Variants in LSM12 observed in about 807,000 individuals in gnomAD.
LSM12 encodes LSM12 homolog, also known as protein LSM12.
For missense variants in LSM12, 108 were observed against 238.9 expected (o/e 0.45, Z 3.61); for synonymous variants, 74 against 87.3 (o/e 0.85, Z 0.85).
chr17:44,063,351 CTTTAAGACA>C (rs1193728113), intron 2 of LSM12, among the ~76,000 whole-genome samples: 1 of 152,048 alleles, frequency 6.6e-6, no homozygotes, highest in Admixed American at 6.6e-5. Context: ...AAAAAAGAAC[CTTTAAGACA>C]GTGGCTTTCA....
intron 2 of LSM12, among the ~76,000 whole-genome samples, chr17:44,062,440 C>T (rs1301132005): frequency 1.3e-5 from 2 of 152,064 alleles, no homozygotes; most frequent in East Asian, 1.9e-4. Context: ...TCTTGGAAGA[C>T]GTGCCATTTA....
chr17:44,053,147 G>C (rs1420392620), intron 2 of LSM12, among the ~76,000 whole-genome samples: 1 of 152,044 alleles, frequency 6.6e-6, no homozygotes, highest in Non-Finnish European at 1.5e-5. Context: ...CACATCTGAA[G>C]TGTCTTCCCT....
chr17:44,037,913 A>G (rs1445968906), intron 3 of LSM12, among the ~76,000 whole-genome samples: 2 of 152,224 alleles, frequency 1.3e-5, no homozygotes, highest in Admixed American at 6.5e-5. Flanking sequence ...TTTGCAGTCC[A>G]TATCATCTGT....
intron 2 of LSM12, among the ~76,000 whole-genome samples, chr17:44,056,251 C>T (rs182969747): frequency 2.5e-3 from 381 of 149,440 alleles, no homozygotes; most frequent in Non-Finnish European, 3.3e-3. Flanking sequence ...GCCGAGATCG[C>T]GCCATTGCAC....
Position 44,066,573 on chromosome 17 carries a change from C to G in LSM12, c.15G>C (p.Pro5=), listed in dbSNP as rs1462763551. ...GGCTCCCAACGCTGAAGTACTCGCC[C>G]GGAGGAGCCGCCATCTTGGGAGTGC... MAAP[P]GEYFSVGSQV... The change falls in exon 1 of 5, where the codon CCG becomes CCC. Residue 5 remains proline, a synonymous_variant. Transcript: ENST00000293406. 6.8e-7 allele frequency: 1 copy of G among 1,464,052 alleles called. No individual in the cohort carries two copies. Among genetic ancestry groups the G allele is most frequent in the African/African-American group, 1.5e-5 (1 of 67,908 alleles). 90.7% of individuals were successfully genotyped at this position (1,464,052 alleles called of 1,614,324 possible).
chr17:44,042,793 T>A (rs2049512257), intron 2 of LSM12, among the ~76,000 whole-genome samples: 1 of 152,142 alleles, frequency 6.6e-6, no homozygotes, highest in African/African-American at 2.4e-5. Context: ...GGTCTCGATC[T>A]CCTGACCTCG....
intron 2 of LSM12, among the ~76,000 whole-genome samples, chr17:44,046,894 C>T (rs372812739): frequency 5.3e-4 from 80 of 151,218 alleles, no homozygotes; most frequent in African/African-American, 1.8e-3. Flanking sequence ...CCACGCCTGG[C>T]TAATTTTTTG....
At chr17:44,053,962 A>G (rs1308398934) in intron 2 of LSM12, among the ~76,000 whole-genome samples, 1 of 152,026 alleles carries the variant, frequency 6.6e-6, no homozygotes, top group Non-Finnish European at 1.5e-5. Context: ...GACCCACCCT[A>G]ATGTCCTTGT....
At chr17:44,066,965 T>G (rs2049888705), upstream of LSM12, among the ~76,000 whole-genome samples, 1 of 152,204 alleles carries the variant, frequency 6.6e-6, no homozygotes, top group African/African-American at 2.4e-5. Context: ...ATTTTGCATA[T>G]GAGGAATCAG....
At chr17:44,059,552 A>T (rs2049768165) in intron 2 of LSM12, among the ~76,000 whole-genome samples, 1 of 151,920 alleles carries the variant, frequency 6.6e-6, no homozygotes. Context: ...ACCCTGTCTC[A>T]AAAAAAAGAA....
upstream of LSM12, among the ~76,000 whole-genome samples, chr17:44,067,161 A>G (rs1041564771): frequency 5.9e-5 from 9 of 152,098 alleles, no homozygotes; most frequent in Admixed American, 5.2e-4. Context: ...TTAGCCGGGT[A>G]CGGTGGCGCG....
chr17:44,046,740 C>CT, intron 2 of LSM12, among the ~76,000 whole-genome samples: 1 of 138,042 alleles, frequency 7.2e-6, no homozygotes, highest in Non-Finnish European at 1.5e-5. Context: ...AACTGTCAAA[C>CT]TGTTTTCTTT....
intron 2 of LSM12, among the ~76,000 whole-genome samples, chr17:44,040,682 T>C (rs1323950644): frequency 6.6e-6 from 1 of 151,974 alleles, no homozygotes; most frequent in Non-Finnish European, 1.5e-5. Flanking sequence ...TTTAAAAATA[T>C]ATACATTTCC....
At position 44,036,110 on chromosome 17, in the gene LSM12, A is replaced by G; in HGVS notation, c.*98T>C. ...TGACCCTTTGTTAAGAGCCAACAGG[A>G]CATATAGGATCCCTTCCCTCCCCCG... On this transcript the variant is annotated 3_prime_UTR_variant, in exon 5 of 5. Coordinates refer to ENST00000293406, the MANE Select transcript of LSM12 (RefSeq NM_001371445.1). 9.6e-7 allele frequency: 1 copy of G among 1,045,496 alleles called. No individual in the cohort carries two copies. Among genetic ancestry groups the G allele is most frequent in the Non-Finnish European group, 1.4e-6 (1 of 707,374 alleles). 64.8% of individuals were successfully genotyped at this position (1,045,496 alleles called of 1,614,324 possible).
chr17:44,064,476 T>TA (rs1310518503), intron 1 of LSM12, among the ~76,000 whole-genome samples: 4 of 152,136 alleles, frequency 2.6e-5, no homozygotes, highest in Non-Finnish European at 5.9e-5. Flanking sequence ...CTCACGCCTG[T>TA]AATCTCAACA....
At chr17:44,037,562 A>G in intron 3 of LSM12, 24 bp from the exon 4 acceptor site, 1 of 1,594,934 alleles carries the variant, frequency 6.3e-7, no homozygotes, top group Non-Finnish European at 8.5e-7. Flanking sequence ...ACAGCAGGCG[A>G]AATGTAACCT....
intron 4 of LSM12, among the ~76,000 whole-genome samples, chr17:44,036,691 A>C (rs2049419302): frequency 6.7e-6 from 1 of 149,968 alleles, no homozygotes; most frequent in South Asian, 2.1e-4. Context: ...CCTCAGAGGA[A>C]AAAAAAAAAG....
intron 3 of LSM12, among the ~76,000 whole-genome samples, chr17:44,039,136 C>A (rs2049453850): frequency 6.6e-6 from 1 of 152,078 alleles, no homozygotes; most frequent in South Asian, 2.1e-4. Context: ...CTCACCACAA[C>A]CTCCACCTCC....
At chr17:44,044,468 T>G (rs1373789442) in intron 2 of LSM12, among the ~76,000 whole-genome samples, 1 of 152,154 alleles carries the variant, frequency 6.6e-6, no homozygotes. Context: ...CTAAATGATG[T>G]AAGGGAGCAC....
Sources: gnomAD v4.1 joint callset for allele counts (sites outside exome capture counted in the v4.1 genomes callset) on GRCh38, gnomAD v4.1.1 for gene constraint, MANE v1.5 for transcripts, NCBI Gene and HGNC (gene_info 2026-07-23, HGNC 2026-07-21) for gene names.